The following VPS13B variants were observed in gnomAD, a reference collection of about 807,000 sequenced individuals.
VPS13B encodes vacuolar protein sorting 13 homolog B.
Under a neutral mutation model 426.4 loss-of-function variants are expected in VPS13B, and 285 were observed. That is an observed-to-expected ratio of 0.67 (90% CI 0.61 to 0.74). The LOEUF (loss-of-function observed/expected upper bound fraction) is 0.74, where lower values mean the gene tolerates loss of function less well. Among genes scored for constraint, VPS13B ranks in the 30% least tolerant of loss-of-function variants. The probability of loss-of-function intolerance (pLI) is 0.00; values close to 1 mark genes in which losing one functional copy is unlikely to be tolerated. For synonymous variants in VPS13B, 1,676 were observed against 1,676.4 expected (o/e 1.00, Z 0.01); for missense variants, 4,537 against 4,782.6 (o/e 0.95, Z 1.51).
intron 54 of VPS13B, among the ~76,000 whole-genome samples, chr8:99,836,181 G>A (rs1301004442): frequency 3.9e-5 from 6 of 152,120 alleles, no homozygotes; most frequent in African/African-American, 1.4e-4. Context: ...AAAAACCTGA[G>A]CAGATAAAAT....
intron 23 of VPS13B, among the ~76,000 whole-genome samples, chr8:99,448,503 G>A (rs1277559340): frequency 2.6e-5 from 4 of 151,988 alleles, no homozygotes; most frequent in African/African-American, 7.2e-5. Flanking sequence ...AATATTATAA[G>A]CCTTTGATGC....
chr8:99,270,937 A>G (rs1319523314), intron 17 of VPS13B, among the ~76,000 whole-genome samples: 1 of 152,192 alleles, frequency 6.6e-6, no homozygotes, highest in Non-Finnish European at 1.5e-5. Flanking sequence ...TTTGTTATAA[A>G]GAAAAATGAG....
In VPS13B at chr8:99,741,826, T is replaced by C. The variant is rs368620090; in HGVS notation, c.7050+20779T>C. Among the ~76,000 whole-genome samples the C allele has an allele frequency of 3.9e-5, 6 of 152,218 alleles. No homozygotes were observed. In the South Asian group the frequency reaches 8.3e-4, roughly 21 times the overall value. ...AATCTCTGGGACACATTCAAAGCAG[T>C]GTGTAGAGGGAAATTTATAGCACTA... On this transcript the variant is annotated intron_variant, in intron 39 of 61. Coordinates refer to ENST00000357162, the MANE Select transcript of VPS13B (RefSeq NM_152564.5).
intron 19 of VPS13B, among the ~76,000 whole-genome samples, chr8:99,356,157 T>A (rs556787847): frequency 6.6e-6 from 1 of 152,306 alleles, no homozygotes; most frequent in African/African-American, 2.4e-5. Flanking sequence ...GAAAACTGAT[T>A]TAAGTCTCAG....
At chr8:99,115,222 A>G (rs1250953045) in intron 6 of VPS13B, among the ~76,000 whole-genome samples, 1 of 152,024 alleles carries the variant, frequency 6.6e-6, no homozygotes, top group African/African-American at 2.4e-5. Flanking sequence ...CAGTTAACAT[A>G]TGGTTTTAGG....
chr8:99,612,735 G>A (rs145117727), intron 33 of VPS13B, among the ~76,000 whole-genome samples: 12 of 152,186 alleles, frequency 7.9e-5, no homozygotes, highest in African/African-American at 2.6e-4. Context: ...ATTACTAAAG[G>A]TCTACACTCA....
chr8:99,551,910 A>AT (rs1337831692), intron 30 of VPS13B, among the ~76,000 whole-genome samples: 2 of 151,912 alleles, frequency 1.3e-5, no homozygotes, highest in Non-Finnish European at 2.9e-5. Context: ...AGGGCTTGGC[A>AT]TTTTTCAATA....
chr8:99,122,018 ATT>A (rs34171446), intron 8 of VPS13B, among the ~76,000 whole-genome samples: 1 of 140,266 alleles, frequency 7.1e-6, no homozygotes. Context: ...TGCCCAGCTA[ATT>A]TTTTTTTTTT....
intron 2 of VPS13B, among the ~76,000 whole-genome samples, chr8:99,018,728 C>T (rs1285619655): frequency 6.6e-6 from 1 of 152,138 alleles, no homozygotes. Flanking sequence ...ATGTTGTTAG[C>T]TATAAATAAC....
At chr8:99,044,775 A>T (rs1783044108) in intron 3 of VPS13B, among the ~76,000 whole-genome samples, 1 of 151,862 alleles carries the variant, frequency 6.6e-6, no homozygotes, top group African/African-American at 2.4e-5. Flanking sequence ...ACTTAGAATG[A>T]TAGTCTCCAA....
intron 33 of VPS13B, among the ~76,000 whole-genome samples, chr8:99,580,473 G>A (rs913875336): frequency 6.6e-6 from 1 of 151,772 alleles, no homozygotes; most frequent in Admixed American, 6.6e-5. Context: ...GATTACAGGT[G>A]TGAGCCACCA....
At chr8:99,043,915 T>C (rs1843082662) in intron 3 of VPS13B, among the ~76,000 whole-genome samples, 1 of 152,148 alleles carries the variant, frequency 6.6e-6, no homozygotes. Flanking sequence ...ACTTTAACAG[T>C]ATTCCTTCAC....
chr8:99,412,042 A>G (rs755921452), intron 21 of VPS13B, among the ~76,000 whole-genome samples: 21 of 152,122 alleles, frequency 1.4e-4, no homozygotes, highest in Non-Finnish European at 2.5e-4. Flanking sequence ...GCTCTTTTGC[A>G]GTTCCATATG....
chr8:99,690,055 A>G (rs1324595173), intron 35 of VPS13B, among the ~76,000 whole-genome samples: 1 of 152,116 alleles, frequency 6.6e-6, no homozygotes, highest in African/African-American at 2.4e-5. Flanking sequence ...TGTTAAAGGT[A>G]TTATTTTCTG....
intron 34 of VPS13B, among the ~76,000 whole-genome samples, chr8:99,652,643 TAC>T (rs1405009660): frequency 6.6e-6 from 1 of 152,148 alleles, no homozygotes; most frequent in Non-Finnish European, 1.5e-5. Flanking sequence ...AATGGCTTCT[TAC>T]ACCTCATAAA....
chr8:99,292,779 A>G (rs563786160), intron 19 of VPS13B, among the ~76,000 whole-genome samples: 24 of 152,172 alleles, frequency 1.6e-4, no homozygotes, highest in African/African-American at 5.8e-4. Flanking sequence ...TTCTTGGGTA[A>G]ATTTTATATG....
At chr8:99,535,571 A>G (rs980498646) in intron 30 of VPS13B, among the ~76,000 whole-genome samples, 16 of 152,220 alleles carry the variant, frequency 1.1e-4, no homozygotes, top group Non-Finnish European at 2.9e-5. Flanking sequence ...AAATGGGTAA[A>G]AAGTCAGTGC....
At chr8:99,587,344 G>T (rs989404177) in intron 33 of VPS13B, among the ~76,000 whole-genome samples, 2 of 151,994 alleles carry the variant, frequency 1.3e-5, no homozygotes, top group African/African-American at 4.8e-5. Flanking sequence ...ACCCAGTAAT[G>T]GGATGGCTGG....
intron 22 of VPS13B, among the ~76,000 whole-genome samples, chr8:99,438,034 C>CTTTTTTT (rs746500253): frequency 1.7e-5 from 2 of 120,588 alleles, no homozygotes; most frequent in Non-Finnish European, 3.4e-5. Flanking sequence ...TTCTTTTCCT[C>CTTTTTTT]TTTTTTTTTT....
Sources: gnomAD v4.1 joint callset for allele counts (sites outside exome capture counted in the v4.1 genomes callset) on GRCh38, gnomAD v4.1.1 for gene constraint, MANE v1.5 for transcripts, NCBI Gene and HGNC (gene_info 2026-07-23, HGNC 2026-07-21) for gene names.